Variants in SSH2 observed in about 807,000 individuals in gnomAD.
The protein encoded by SSH2 is slingshot protein phosphatase 2.
SSH2 carries 37 observed loss-of-function variants against 135.2 expected under a neutral mutation model. The ratio of observed to expected loss-of-function variants is 0.27; its 90% CI spans 0.21 to 0.36. SSH2 has a LOEUF of 0.36. SSH2 is among the 10% of genes least tolerant of loss of function. SSH2 has a pLI of 1.00. For synonymous variants in SSH2, 628 were observed against 646.2 expected (o/e 0.97, Z 0.43); for missense variants, 1,408 against 1,765.3 (o/e 0.80, Z 3.63).
intron 1 of SSH2, among the ~76,000 whole-genome samples, chr17:29,855,436 T>C (rs551714872): frequency 4.6e-5 from 7 of 151,808 alleles, no homozygotes; most frequent in East Asian, 3.9e-4. Context: ...GCTCAGGAAG[T>C]TGAGGCTGCA....
chr17:29,928,408 C>A, intron 1 of SSH2: 1 of 397,344 alleles, frequency 2.5e-6, no homozygotes, highest in South Asian at 1.3e-4. Flanking sequence ...TTAGAAGTCC[C>A]CCACTGCAGG....
At chr17:29,857,749 G>A (rs927283920) in intron 1 of SSH2, among the ~76,000 whole-genome samples, 13 of 152,186 alleles carry the variant, frequency 8.5e-5, no homozygotes, top group African/African-American at 2.4e-4. Context: ...GCCTCCCAAA[G>A]TGTTGGCATA....
chr17:29,741,939 T>C (rs9894359), intron 3 of SSH2, among the ~76,000 whole-genome samples: 1,977 of 144,204 alleles, frequency 0.014, 45 homozygotes, highest in Admixed American at 0.05. Flanking sequence ...TTTTTCTTTT[T>C]TTTTTTTTTT....
At chr17:29,790,713 C>T (rs1219789678) in intron 3 of SSH2, among the ~76,000 whole-genome samples, 3 of 151,054 alleles carry the variant, frequency 2.0e-5, no homozygotes, top group African/African-American at 7.3e-5. Flanking sequence ...ATAGTTTGGT[C>T]TAATTGTACT....
intron 3 of SSH2, among the ~76,000 whole-genome samples, chr17:29,706,798 C>A (rs927749962): frequency 6.6e-6 from 1 of 152,214 alleles, no homozygotes; most frequent in South Asian, 2.1e-4. Context: ...TTTAAAACAA[C>A]TGAACATACT....
chr17:29,926,262 G>A (rs1483482374), intron 1 of SSH2, among the ~76,000 whole-genome samples: 1 of 152,020 alleles, frequency 6.6e-6, no homozygotes, highest in Non-Finnish European at 1.5e-5. Flanking sequence ...AAATAGGCCA[G>A]GTGTGGTGGC....
intron 2 of SSH2, among the ~76,000 whole-genome samples, chr17:29,819,272 C>G (rs189732436): frequency 1.3e-5 from 2 of 152,190 alleles, no homozygotes; most frequent in Admixed American, 1.3e-4. Context: ...CAAGCATATC[C>G]TGGGGTCAGT....
chr17:29,778,826 T>C (rs2041771702), intron 3 of SSH2, among the ~76,000 whole-genome samples: 1 of 85,836 alleles, frequency 1.2e-5, no homozygotes, highest in Admixed American at 2.0e-4. Context: ...AGAGTGAGCC[T>C]CCGTCTCCCA....
At chr17:29,772,268 C>T (rs908628450) in intron 3 of SSH2, among the ~76,000 whole-genome samples, 10 of 140,840 alleles carry the variant, frequency 7.1e-5, no homozygotes, top group East Asian at 4.2e-4. Context: ...TTTTTTGAGA[C>T]GGAGTCTCGC....
chr17:29,903,915 A>T (rs998940376), intron 1 of SSH2, among the ~76,000 whole-genome samples: 1 of 152,136 alleles, frequency 6.6e-6, no homozygotes, highest in African/African-American at 2.4e-5. Flanking sequence ...GCATAAATAC[A>T]TTATCCAACA....
chr17:29,903,834 A>C (rs1194931060), intron 1 of SSH2, among the ~76,000 whole-genome samples: 1 of 152,266 alleles, frequency 6.6e-6, no homozygotes, highest in African/African-American at 2.4e-5. Context: ...ACCCTTGGAA[A>C]TATTTAAAAG....
chr17:29,805,952 T>G (rs2042337927), intron 2 of SSH2, among the ~76,000 whole-genome samples: 1 of 152,110 alleles, frequency 6.6e-6, no homozygotes, highest in Non-Finnish European at 1.5e-5. Flanking sequence ...AGATGCTCAG[T>G]AGATATTAGA....
chr17:29,659,958 G>A (rs893741500), intron 11 of SSH2, among the ~76,000 whole-genome samples: 7 of 152,080 alleles, frequency 4.6e-5, no homozygotes, highest in African/African-American at 1.7e-4. Flanking sequence ...AGCCTCCCGA[G>A]TAGCTGGGAT....
chr17:29,665,006 T>C (rs577332214), intron 11 of SSH2, among the ~76,000 whole-genome samples: 4 of 152,264 alleles, frequency 2.6e-5, no homozygotes, highest in South Asian at 2.1e-4. Context: ...AATGGGAAAC[T>C]TGACTTTCAA....
intron 2 of SSH2, among the ~76,000 whole-genome samples, chr17:29,837,834 C>T (rs1344169188): frequency 6.6e-6 from 1 of 152,274 alleles, no homozygotes; most frequent in Non-Finnish European, 1.5e-5. Context: ...CAGGGCTGCG[C>T]ACTCCATGGA....
chr17:29,870,409 T>C (rs2065920151), intron 1 of SSH2, among the ~76,000 whole-genome samples: 1 of 152,154 alleles, frequency 6.6e-6, no homozygotes, highest in African/African-American at 2.4e-5. Flanking sequence ...TAATATTGTT[T>C]GTGAAGAGGA....
rs59540894 is a variant in SSH2, at chr17:29,743,907, C to CTTTT, written c.189-40849_189-40846dup. Among the ~76,000 whole-genome samples, 51 of 99,840 alleles carry CTTTT rather than the reference C, an allele frequency of 5.1e-4. 1 individual carries two copies. Among genetic ancestry groups the CTTTT allele is most frequent in the African/African-American group, 1.6e-3 (42 of 26,312 alleles). The allele number at this position is 99,840 out of a possible 152,430, so 65.5% of individuals were successfully genotyped here. A position where few individuals can be genotyped will look rare whatever the true frequency, so the allele number is the denominator to read the frequency against. On this transcript the variant is annotated intron_variant, in intron 3 of 15. Transcript: ENST00000540801. ...GGCATAATTTCTTTTTTCTTTTTTC[C>CTTTT]TTTTTTTTTTTTTTTTTTTTTTTTA... is the stretch of plus-strand genomic sequence containing the variant.
At chr17:29,716,319 G>T in intron 3 of SSH2, 2 of 452,444 alleles carry the variant, frequency 4.4e-6, no homozygotes, top group South Asian at 4.4e-5. Context: ...TTCTTTTTCT[G>T]ATCATTTTCT....
chr17:29,724,294 C>A (rs1292552934), intron 3 of SSH2, among the ~76,000 whole-genome samples: 3 of 152,006 alleles, frequency 2.0e-5, no homozygotes, highest in Admixed American at 2.0e-4. Flanking sequence ...TTCGGGAGGC[C>A]GAGGTGGGTG....
Sources: gnomAD v4.1 joint callset for allele counts (sites outside exome capture counted in the v4.1 genomes callset) on GRCh38, gnomAD v4.1.1 for gene constraint, MANE v1.5 for transcripts, NCBI Gene and HGNC (gene_info 2026-07-23, HGNC 2026-07-21) for gene names.